Variants in BCAR3 observed in about 807,000 individuals in gnomAD.
BCAR3 encodes BCAR3 adaptor protein, NSP family member.
In BCAR3, 37 loss-of-function variants were observed where a neutral mutation model predicts 80.1. The observed-to-expected ratio is 0.46, with a 90% CI of 0.36 to 0.61. The LOEUF (loss-of-function observed/expected upper bound fraction) is 0.61. Ranked by LOEUF, BCAR3 falls within the 20% of genes least tolerant of loss-of-function variation. The pLI, the probability that BCAR3 is intolerant of heterozygous loss-of-function variation, is 0.00. For missense variants in BCAR3, 978 were observed against 1,068.2 expected, an observed-to-expected ratio of 0.92 and a Z score of 1.18; for synonymous variants, 389 against 418.9, an observed-to-expected ratio of 0.93 and a Z score of 0.87.
intron 2 of BCAR3, among the ~76,000 whole-genome samples, chr1:93,672,764 G>A (rs1648275216): frequency 1.3e-5 from 2 of 152,214 alleles, no homozygotes; most frequent in Non-Finnish European, 1.5e-5. Context: ...CCCAAGGAAT[G>A]TCCTAATCTG....
intron 2 of BCAR3, among the ~76,000 whole-genome samples, chr1:93,746,222 C>T (rs1000857342): frequency 6.6e-6 from 1 of 152,198 alleles, no homozygotes; most frequent in Non-Finnish European, 1.5e-5. Context: ...GTGGCAGCAG[C>T]AGCCACCAGC....
chr1:93,699,720 G>C (rs1649568792), intron 3 of BCAR3, among the ~76,000 whole-genome samples: 1 of 152,166 alleles, frequency 6.6e-6, no homozygotes, highest in Non-Finnish European at 1.5e-5. Context: ...TGGGAGTGGA[G>C]AGGGGCCATA....
At chr1:93,738,963 T>A (rs1332839651) in intron 2 of BCAR3, among the ~76,000 whole-genome samples, 2 of 152,136 alleles carry the variant, frequency 1.3e-5, no homozygotes, top group Admixed American at 6.5e-5. Context: ...GCCTCTGTCC[T>A]CTGAGGATAT....
intron 2 of BCAR3, among the ~76,000 whole-genome samples, chr1:93,642,646 G>T (rs1185335444): frequency 6.6e-6 from 1 of 152,232 alleles, no homozygotes; most frequent in Non-Finnish European, 1.5e-5. Flanking sequence ...GCTCAGGGGA[G>T]GGCAGAGGTG....
intron 2 of BCAR3, among the ~76,000 whole-genome samples, chr1:93,844,620 G>A (rs1371834801): frequency 6.6e-6 from 1 of 151,840 alleles, no homozygotes; most frequent in Non-Finnish European, 1.5e-5. Context: ...TTTCTTACAT[G>A]CTAACATTGC....
intron 5 of BCAR3, among the ~76,000 whole-genome samples, chr1:93,588,141 C>T (rs1470850304): frequency 6.6e-6 from 1 of 152,146 alleles, no homozygotes; most frequent in Non-Finnish European, 1.5e-5. Context: ...TCAGCTCTAA[C>T]TCCCCTCCTG....
intron 2 of BCAR3, among the ~76,000 whole-genome samples, chr1:93,785,167 A>T (rs962805131): frequency 1.2e-4 from 18 of 152,332 alleles, no homozygotes; most frequent in African/African-American, 3.8e-4. Flanking sequence ...AGAGAGGATT[A>T]AAAAAGAAAC....
intron 2 of BCAR3, among the ~76,000 whole-genome samples, chr1:93,835,367 T>C (rs1571160541): frequency 6.6e-6 from 1 of 152,206 alleles, no homozygotes; most frequent in East Asian, 1.9e-4. Flanking sequence ...TGATAAGGTA[T>C]CTAAAGAAGC....
intron 2 of BCAR3, among the ~76,000 whole-genome samples, chr1:93,827,248 G>A (rs536653540): frequency 1.4e-4 from 21 of 152,254 alleles, no homozygotes; most frequent in African/African-American, 4.8e-4. Context: ...CTTTAGCTGG[G>A]AGACCAAAAA....
chr1:93,729,973 A>G (rs1650725422), intron 2 of BCAR3, among the ~76,000 whole-genome samples: 2 of 152,370 alleles, frequency 1.3e-5, no homozygotes, highest in South Asian at 4.1e-4. Context: ...TAAAGCATAA[A>G]TCTATTATCA....
intron 2 of BCAR3, among the ~76,000 whole-genome samples, chr1:93,778,688 G>C (rs1251248598): frequency 6.6e-6 from 1 of 151,992 alleles, no homozygotes; most frequent in Non-Finnish European, 1.5e-5. Context: ...CCTCCAACAA[G>C]ACCCACTTCT....
At chr1:93,802,153 A>T (rs969907819) in intron 2 of BCAR3, among the ~76,000 whole-genome samples, 2 of 151,602 alleles carry the variant, frequency 1.3e-5, no homozygotes, top group Admixed American at 6.6e-5. Flanking sequence ...GTTTAAAATT[A>T]AAAAAAATTA....
chr1:93,662,779 G>A (rs1647723706), intron 2 of BCAR3, among the ~76,000 whole-genome samples: 1 of 152,128 alleles, frequency 6.6e-6, no homozygotes, highest in South Asian at 2.1e-4. Context: ...AGCTACTAAC[G>A]ATGACTGCTT....
intron 2 of BCAR3, among the ~76,000 whole-genome samples, chr1:93,797,978 G>A (rs930465137): frequency 6.6e-6 from 1 of 152,198 alleles, no homozygotes; most frequent in Non-Finnish European, 1.5e-5. Flanking sequence ...GGTGGGCAAA[G>A]GTAAATGCCC....
intron 3 of BCAR3, among the ~76,000 whole-genome samples, chr1:93,626,538 T>C (rs1675463075): frequency 6.6e-6 from 1 of 152,174 alleles, no homozygotes; most frequent in African/African-American, 2.4e-5. Flanking sequence ...TTTGCCTGTT[T>C]CACTGGGTTG....
intron 1 of BCAR3, among the ~76,000 whole-genome samples, chr1:93,846,270 G>C (rs1163524174): frequency 6.6e-6 from 1 of 152,360 alleles, no homozygotes; most frequent in East Asian, 1.9e-4. Flanking sequence ...GGCGGGTATG[G>C]GTGAAGCACA....
At chr1:93,651,776 G>A (rs570793946) in intron 2 of BCAR3, among the ~76,000 whole-genome samples, 2 of 152,128 alleles carry the variant, frequency 1.3e-5, no homozygotes, top group South Asian at 2.1e-4. Flanking sequence ...TCCCACTCTG[G>A]CCTTACCCCT....
Position 93,585,281 on chromosome 1 carries a change from A to G in BCAR3, c.930-1160T>C, listed in dbSNP as rs1040141489. The G allele has an allele frequency of 3.5e-6, 3 of 865,012 alleles. No homozygotes were observed. The African/African-American group carries it at 5.5e-5, about 16-fold the overall frequency. 53.6% of individuals were successfully genotyped at this position (865,012 alleles called of 1,614,324 possible). ...AGCTGCATAAGGGAGCCACTGAAGG[A>G]CACTGGGGCAGGGCAGCAGGCCATG... On this transcript the variant is annotated intron_variant, in intron 5 of 11. Coordinates refer to ENST00000260502, the MANE Select transcript of BCAR3 (RefSeq NM_003567.4).
At chr1:93,667,469 G>A (rs1456136482) in intron 2 of BCAR3, among the ~76,000 whole-genome samples, 2 of 152,358 alleles carry the variant, frequency 1.3e-5, no homozygotes, top group Non-Finnish European at 2.9e-5. Flanking sequence ...CATCTAATAA[G>A]TGGCAAAAAC....
Sources: gnomAD v4.1 joint callset for allele counts (sites outside exome capture counted in the v4.1 genomes callset) on GRCh38, gnomAD v4.1.1 for gene constraint, MANE v1.5 for transcripts, NCBI Gene and HGNC (gene_info 2026-07-23, HGNC 2026-07-21) for gene names.